The following CALCRL variants were observed in gnomAD, a reference collection of about 807,000 sequenced individuals.
CALCRL encodes the protein calcitonin gene-related peptide type 1 receptor.
Under a neutral mutation model 60.4 loss-of-function variants are expected in CALCRL, and 27 were observed. The ratio of observed to expected loss-of-function variants is 0.45; its 90% CI spans 0.33 to 0.62. The LOEUF is 0.62. CALCRL is among the 20% of genes least tolerant of loss of function. The pLI is 0.03. For synonymous variants in CALCRL, 190 were observed against 182.6 expected, an observed-to-expected ratio of 1.04 and a Z score of -0.33; for missense variants, 424 against 540.7, an observed-to-expected ratio of 0.78 and a Z score of 2.14.
chr2:187,421,989 T>C lies in CALCRL; in HGVS notation c.-293+26050A>G, dbSNP rs538269163. On this transcript the variant is annotated intron_variant, in intron 1 of 14. Transcript: ENST00000392370. ...TAGGAAGTGGACAAAAGGAAAGATA[T>C]TTGGACCAAGTATTTTATCCTGGCT... Among the ~76,000 whole-genome samples the C allele has an allele frequency of 1.8e-3, 280 of 152,270 alleles. 1 individual carries two copies. Among genetic ancestry groups the C allele is most frequent in the African/African-American group, 6.6e-3 (273 of 41,568 alleles).
chr2:187,409,299 G>T (rs770796789), intron 1 of CALCRL, among the ~76,000 whole-genome samples: 131 of 152,240 alleles, frequency 8.6e-4, no homozygotes, highest in Admixed American at 1.9e-3. Context: ...ATCAATAAAG[G>T]AAACGTTATT....
Position 187,352,348 on chromosome 2 carries a change from AATGGC to A in CALCRL, c.910-21_910-17del. On this transcript the variant is annotated splice_polypyrimidine_tract_variant and intron_variant, in intron 12 of 14. Transcript: ENST00000392370. ...AAAGATTCACCTAAAAACGAAATTA[AATGGC>A]ATCTGAAAATCATTTCATATTTAAT... 7.0e-7 allele frequency: 1 copy of A among 1,432,270 alleles called. No homozygotes were observed. The highest frequency in any genetic ancestry group is 9.8e-7 in the Non-Finnish European group (1 of 1,019,114). The allele number at this position is 1,432,270 out of a possible 1,614,324, so 88.7% of individuals were successfully genotyped here. A position where few individuals can be genotyped will look rare whatever the true frequency, so the allele number is the denominator to read the frequency against.
At position 187,379,007 on chromosome 2, in the gene CALCRL, T is replaced by C. The variant is rs773843033; in HGVS notation, c.433A>G (p.Thr145Ala). Residue 145 changes from threonine (T) to alanine (A), a missense_variant, in exon 8 of 15, where the codon ACC (threonine) becomes GCC (alanine). By Grantham distance (58) the Thr-to-Ala change is moderately conservative. Transcript: ENST00000392370. ...VKTALNLFYLTIIGHGLSIAS... is the reference protein window; with the variant it reads ...VKTALNLFYLAIIGHGLSIAS... ...ATAGACAATCCGTGTCCAATTATGG[T>C]CAGGTAAAACAAATTTAGTGCAGTC... is the stretch of plus-strand genomic sequence containing the variant. 1 of 1,607,380 alleles carries C rather than the reference T, an allele frequency of 6.2e-7. No individual in the cohort carries two copies.
intron 12 of CALCRL, among the ~76,000 whole-genome samples, chr2:187,355,952 A>G (rs1276463513): frequency 1.3e-5 from 2 of 152,184 alleles, no homozygotes; most frequent in Non-Finnish European, 2.9e-5. Flanking sequence ...AGGGAAGTGA[A>G]GGACCTCTTC....
In CALCRL at chr2:187,385,619, T is replaced by G. The variant is rs529620262; in HGVS notation, c.-24A>C. 1 of 1,520,394 alleles carries G rather than the reference T, an allele frequency of 6.6e-7. No homozygotes were observed. Among genetic ancestry groups the G allele is most frequent in the Admixed American group, 2.0e-5 (1 of 50,342 alleles). 94.2% of individuals were successfully genotyped at this position (1,520,394 alleles called of 1,614,324 possible). A position where few individuals can be genotyped will look rare whatever the true frequency, so the allele number is the denominator to read the frequency against. ...ATCATTAAGCCAAAATGAAATATGC[T>G]GTATAACATAAACTGCAACAGAAAA... On this transcript the variant is annotated 5_prime_UTR_variant, in exon 4 of 15. Transcript: ENST00000392370.
chr2:187,426,243 T>TTA (rs1553515513), intron 1 of CALCRL, among the ~76,000 whole-genome samples: 9 of 67,662 alleles, frequency 1.3e-4, no homozygotes, highest in Non-Finnish European at 3.7e-4. Context: ...TCATTTATTA[T>TTA]TTTTTTTTTT....
intron 8 of CALCRL, among the ~76,000 whole-genome samples, chr2:187,369,814 C>G (rs938803880): frequency 2.0e-5 from 3 of 152,112 alleles, no homozygotes; most frequent in African/African-American, 7.2e-5. Context: ...GAGAAGAATA[C>G]TTAACATACA....
chr2:187,395,553 T>C (rs1402678411), intron 1 of CALCRL, among the ~76,000 whole-genome samples: 2 of 152,088 alleles, frequency 1.3e-5, no homozygotes, highest in Non-Finnish European at 2.9e-5. Context: ...GAAAACTTCT[T>C]CTAGAAATTA....
chr2:187,411,271 ATATAAC>A (rs1180590259), intron 1 of CALCRL, among the ~76,000 whole-genome samples: 1 of 152,172 alleles, frequency 6.6e-6, no homozygotes, highest in East Asian at 1.9e-4. Flanking sequence ...TAATATCTCT[ATATAAC>A]TATAAATAAG....
In CALCRL at chr2:187,345,688, C is replaced by CCAAAA. The variant is rs1686242749; in HGVS notation, c.*495_*496insTTTTG. On this transcript the variant is annotated 3_prime_UTR_variant, in exon 15 of 15. Coordinates refer to ENST00000392370, the MANE Select transcript of CALCRL (RefSeq NM_005795.6). ...ACAAAAAGGACTACGGCACTCTGGG[C>CCAAAA]AAAAAAAAAGTCAACTGCCCCAATC... 6.7e-6 allele frequency: 1 copy of CCAAAA among 150,326 alleles called. No homozygotes were observed. The highest frequency in any genetic ancestry group is 1.5e-5 in the Non-Finnish European group (1 of 67,460). 9.3% of individuals were successfully genotyped at this position (150,326 alleles called of 1,614,324 possible). A position where few individuals can be genotyped will look rare whatever the true frequency, so the allele number is the denominator to read the frequency against.
Position 187,373,735 on chromosome 2 carries a change from A to G in CALCRL, c.500+5205T>C, listed in dbSNP as rs566713787. Reference sequence around the variant, plus strand: ...TTATCTCAGCCTTTATAGCAAATCTATGATGTAGATACTAATATGATCTGC... The same window carrying G: ...TTATCTCAGCCTTTATAGCAAATCTGTGATGTAGATACTAATATGATCTGC... On this transcript the variant is annotated intron_variant, in intron 8 of 14. Coordinates refer to ENST00000392370, the MANE Select transcript of CALCRL (RefSeq NM_005795.6). Among the ~76,000 whole-genome samples, 4 of 152,322 alleles carry G rather than the reference A, an allele frequency of 2.6e-5. No individual in the cohort carries two copies. In the East Asian group the frequency reaches 7.7e-4, roughly 29 times the overall value.
At chr2:187,431,761 G>A (rs201545922) in intron 1 of CALCRL, among the ~76,000 whole-genome samples, 8 of 149,306 alleles carry the variant, frequency 5.4e-5, no homozygotes, top group African/African-American at 7.4e-5. Flanking sequence ...ATTATAAGGA[G>A]AAAAAAAAAG....
Position 187,387,749 on chromosome 2 carries a change from G to T in CALCRL, c.-285C>A. On this transcript the variant is annotated 5_prime_UTR_variant, in exon 2 of 15. Coordinates refer to ENST00000392370, the MANE Select transcript of CALCRL (RefSeq NM_005795.6). ...CTTTAAGAATTTCTTAAATTCAGGG[G>T]TCAAGACCTGAAATATTGATGAATG... is the stretch of plus-strand genomic sequence containing the variant. 1 of 396,712 alleles carries T rather than the reference G, an allele frequency of 2.5e-6. No individual in the cohort carries two copies. The highest frequency in any genetic ancestry group is 4.4e-5 in the Admixed American group (1 of 22,656). 24.6% of individuals were successfully genotyped at this position (396,712 alleles called of 1,614,324 possible).
At chr2:187,366,015 G>A (rs1687260382) in intron 8 of CALCRL, among the ~76,000 whole-genome samples, 1 of 151,202 alleles carries the variant, frequency 6.6e-6, no homozygotes, top group Admixed American at 6.6e-5. Flanking sequence ...AGGCCGAGGC[G>A]GGTGGATCAT....
intron 8 of CALCRL, among the ~76,000 whole-genome samples, chr2:187,370,075 T>C (rs1366141152): frequency 1.3e-5 from 2 of 152,220 alleles, no homozygotes; most frequent in Non-Finnish European, 2.9e-5. Flanking sequence ...TTTTAACAAT[T>C]AATGAAAAAT....
At chr2:187,417,483 T>G (rs1469728307) in intron 1 of CALCRL, among the ~76,000 whole-genome samples, 1 of 152,108 alleles carries the variant, frequency 6.6e-6, no homozygotes, top group African/African-American at 2.4e-5. Flanking sequence ...ATGAAATATA[T>G]GCCTGTGTTA....
At chr2:187,395,345 A>G (rs921095125) in intron 1 of CALCRL, among the ~76,000 whole-genome samples, 3 of 152,064 alleles carry the variant, frequency 2.0e-5, no homozygotes, top group Admixed American at 6.6e-5. Context: ...ACTTGTACTC[A>G]TCAAACACAT....
intron 1 of CALCRL, among the ~76,000 whole-genome samples, chr2:187,398,679 G>T (rs1216379025): frequency 1.3e-5 from 2 of 151,608 alleles, no homozygotes; most frequent in Non-Finnish European, 3.0e-5. Context: ...ATGGACATGT[G>T]TGGTCCAACC....
intron 1 of CALCRL, among the ~76,000 whole-genome samples, chr2:187,416,744 G>A (rs1689628002): frequency 6.6e-6 from 1 of 152,040 alleles, no homozygotes; most frequent in Admixed American, 6.6e-5. Flanking sequence ...TTCTCTCAAA[G>A]AGAACATTCT....
Sources: allele counts gnomAD v4.1 joint callset (sites outside exome capture counted in the v4.1 genomes callset), GRCh38; gene constraint gnomAD v4.1.1; transcripts MANE v1.5; gene names NCBI Gene and HGNC (gene_info 2026-07-23, HGNC 2026-07-21).